Variants in ZNF33A observed in about 807,000 individuals in gnomAD.
The protein encoded by ZNF33A is zinc finger protein 33A.
A neutral mutation model predicts 15.9 loss-of-function variants in ZNF33A; 9 were observed. The ratio of observed to expected loss-of-function variants is 0.57; its 90% confidence interval spans 0.34 to 0.99. ZNF33A has a LOEUF of 0.99. Ranked by LOEUF, ZNF33A falls within the 50% of genes least tolerant of loss-of-function variation. The pLI, the probability that ZNF33A is intolerant of heterozygous loss-of-function variation, is 0.02. For synonymous variants in ZNF33A, 294 were observed against 324.2 expected (o/e 0.91, Z 1.00); for missense variants, 843 against 941.6 (o/e 0.90, Z 1.37).
intron 4 of ZNF33A, among the ~76,000 whole-genome samples, chr10:38,044,399 G>A (rs1376078641): frequency 1.3e-5 from 2 of 150,624 alleles, no homozygotes; most frequent in Admixed American, 1.3e-4. Flanking sequence ...TAGTAGAGAC[G>A]GGGTTTCACC....
At chr10:38,043,562 T>C (rs1300894826) in intron 4 of ZNF33A, among the ~76,000 whole-genome samples, 2 of 152,096 alleles carry the variant, frequency 1.3e-5, no homozygotes, top group Non-Finnish European at 2.9e-5. Flanking sequence ...TCTTAGCTTC[T>C]TTATTTGACA....
intron 4 of ZNF33A, among the ~76,000 whole-genome samples, chr10:38,052,020 T>A (rs185143137): frequency 1.3e-5 from 2 of 152,110 alleles, no homozygotes; most frequent in African/African-American, 2.4e-5. Context: ...ACAATTGACA[T>A]TGTATATAAT....
chr10:38,056,466 A>T lies in ZNF33A; in HGVS notation c.2342A>T (p.Asp781Val). 1 of 1,613,686 alleles carries T rather than the reference A, an allele frequency of 6.2e-7. No individual in the cohort carries two copies. Among genetic ancestry groups the T allele is most frequent in the South Asian group, 1.1e-5 (1 of 91,018 alleles). ...GGAGAAAACCTTATGAATGAAATGG[A>T]TATTAGAAATTTCCAGCCACAAGTC... ...HIGENLMNEMDIRNFQPQVSL... is the reference protein window; with the variant it reads ...HIGENLMNEMVIRNFQPQVSL... The change falls in exon 5 of 5, where the codon GAT (aspartate) becomes GTT (valine). Residue 781 changes from aspartate (D) to valine (V), a missense_variant. Transcript: ENST00000432900.
intron 2 of ZNF33A, among the ~76,000 whole-genome samples, chr10:38,014,027 G>C (rs1355466264): frequency 7.7e-6 from 1 of 130,652 alleles, no homozygotes; most frequent in African/African-American, 2.9e-5. Flanking sequence ...CAAATTTAAT[G>C]ATGTCTGATT....
At chr10:38,049,580 A>G (rs1186150096) in intron 4 of ZNF33A, among the ~76,000 whole-genome samples, 1 of 152,164 alleles carries the variant, frequency 6.6e-6, no homozygotes, top group Non-Finnish European at 1.5e-5. Flanking sequence ...GGAATTTCAT[A>G]TGTGTATGTA....
intron 4 of ZNF33A, among the ~76,000 whole-genome samples, chr10:38,040,777 T>C (rs2065663960): frequency 6.6e-6 from 1 of 152,222 alleles, no homozygotes; most frequent in Admixed American, 6.5e-5. Context: ...AATCATTCCC[T>C]TTTTCCTGTT....
At chr10:38,033,379 C>G (rs1286701089) in intron 4 of ZNF33A, among the ~76,000 whole-genome samples, 1 of 152,120 alleles carries the variant, frequency 6.6e-6, no homozygotes, top group Admixed American at 6.5e-5. Context: ...GGTTTTAGTT[C>G]TACTTCTTGA....
intron 4 of ZNF33A, among the ~76,000 whole-genome samples, chr10:38,049,472 C>A (rs762272247): frequency 6.6e-6 from 1 of 151,844 alleles, no homozygotes; most frequent in Non-Finnish European, 1.5e-5. Flanking sequence ...GTATTATGTG[C>A]GTATATATCT....
At chr10:38,038,373 A>C (rs1269448493) in intron 4 of ZNF33A, among the ~76,000 whole-genome samples, 2 of 152,166 alleles carry the variant, frequency 1.3e-5, no homozygotes, top group African/African-American at 4.8e-5. Flanking sequence ...AAGTGCTGGG[A>C]TTACAGGCTT....
At chr10:38,024,258 A>G (rs1213199448) in intron 4 of ZNF33A, among the ~76,000 whole-genome samples, 2 of 152,104 alleles carry the variant, frequency 1.3e-5, no homozygotes, top group Admixed American at 6.6e-5. Context: ...CATATAATCA[A>G]TTTCTCTCTA....
chr10:38,021,411 GA>G (rs2064732687), intron 4 of ZNF33A, among the ~76,000 whole-genome samples: 1 of 5,892 alleles, frequency 1.7e-4, no homozygotes, highest in Non-Finnish European at 3.4e-4. Context: ...GCAATTGGTA[GA>G]ATTACTAGCC....
chr10:38,022,719 A>C (rs2064809932), intron 4 of ZNF33A, among the ~76,000 whole-genome samples: 1 of 151,976 alleles, frequency 6.6e-6, no homozygotes, highest in African/African-American at 2.4e-5. Context: ...CAGAAACCAC[A>C]AACTATTACA....
chr10:38,066,936 C>G (rs1184906953), downstream of ZNF33A, among the ~76,000 whole-genome samples: 1 of 151,988 alleles, frequency 6.6e-6, no homozygotes, highest in Non-Finnish European at 1.5e-5. Context: ...TGTCTCAAAA[C>G]AAAACAGTAG....
intron 4 of ZNF33A, among the ~76,000 whole-genome samples, chr10:38,026,292 T>C (rs2064984608): frequency 6.6e-6 from 1 of 151,260 alleles, no homozygotes; most frequent in Non-Finnish European, 1.5e-5. Context: ...TTTAGCTTTT[T>C]GGGGTACCAC....
intron 4 of ZNF33A, among the ~76,000 whole-genome samples, chr10:38,046,722 T>G (rs1228984726): frequency 6.6e-6 from 1 of 152,166 alleles, no homozygotes; most frequent in African/African-American, 2.4e-5. Flanking sequence ...ATATTAGAAT[T>G]AACTGACAAG....
chr10:38,012,358 GTT>G lies in ZNF33A; in HGVS notation c.9+10_9+11del, dbSNP rs764938809. On this transcript the variant is annotated intron_variant, in intron 2 of 4. Coordinates refer to ENST00000432900, the MANE Select transcript of ZNF33A (RefSeq NM_006954.2). The stretch of plus-strand genomic sequence containing the variant: ...CAGAACAAAATGAACAAGGTAAGTT[GTT>G]TATTAATTCCCTACTTTATTTTGCA... 1.3e-6 allele frequency: 2 copies of G among 1,542,206 alleles called. No individual in the cohort carries two copies. The highest frequency in any genetic ancestry group is 1.8e-6 in the Non-Finnish European group (2 of 1,135,908).
In ZNF33A at chr10:38,060,051, A is replaced by G; in HGVS notation, c.*3491A>G. The G allele has an allele frequency of 4.1e-6, 4 of 985,302 alleles. No homozygotes were observed. Among genetic ancestry groups the G allele is most frequent in the Non-Finnish European group, 4.8e-6 (4 of 829,890 alleles). The allele number at this position is 985,302 out of a possible 1,614,324, so 61.0% of individuals were successfully genotyped here. ...TATCAAGTAAATAAATAACCAACCA[A>G]CCAACCCTGAGGAACATCTTGTTTC... On this transcript the variant is annotated 3_prime_UTR_variant, in exon 5 of 5. Coordinates refer to ENST00000432900, the MANE Select transcript of ZNF33A (RefSeq NM_006954.2).
intron 4 of ZNF33A, among the ~76,000 whole-genome samples, chr10:38,051,668 TTTG>T (rs1177801664): frequency 1.3e-5 from 2 of 152,026 alleles, no homozygotes; most frequent in Admixed American, 6.5e-5. Context: ...GATTTGTAAA[TTTG>T]TTATTATATA....
Position 38,058,516 on chromosome 10 carries a change from C to T in ZNF33A, c.*1956C>T, listed in dbSNP as rs2066577557. On this transcript the variant is annotated 3_prime_UTR_variant, in exon 5 of 5. Coordinates refer to ENST00000432900, the MANE Select transcript of ZNF33A (RefSeq NM_006954.2). ...GTACAGTGGTTCATGCCTGTAATCC[C>T]AGCACTTCACTTTGGGAGGCTGAGG... is the stretch of plus-strand genomic sequence containing the variant. 6.6e-6 allele frequency: 1 copy of T among 152,220 alleles called. No individual in the cohort carries two copies. Among genetic ancestry groups the T allele is most frequent in the Admixed American group, 6.5e-5 (1 of 15,284 alleles). The allele number at this position is 152,220 out of a possible 1,614,324, so 9.4% of individuals were successfully genotyped here.
Sources: gnomAD v4.1 joint callset for allele counts (sites outside exome capture counted in the v4.1 genomes callset) on GRCh38, gnomAD v4.1.1 for gene constraint, MANE v1.5 for transcripts, NCBI Gene and HGNC (gene_info 2026-07-23, HGNC 2026-07-21) for gene names.